CSF2RA: variants seen among roughly 807,000 people sequenced by gnomAD.
CSF2RA encodes colony stimulating factor 2 receptor subunit alpha.
In CSF2RA, 42 loss-of-function variants were observed where a neutral mutation model predicts 51.6. That is an observed-to-expected ratio of 0.81 (90% CI 0.64 to 1.05). The LOEUF (loss-of-function observed/expected upper bound fraction) is 1.05. Ranked by LOEUF, CSF2RA falls within the 50% of genes least tolerant of loss-of-function variation. The pLI, the probability that CSF2RA is intolerant of heterozygous loss-of-function variation, is 0.00. For synonymous variants in CSF2RA, 222 were observed against 193.0 expected (o/e 1.15, Z -1.24); for missense variants, 530 against 501.1 (o/e 1.06, Z -0.55).
intron 2 of CSF2RA, chrX:1,282,104 C>G (rs2148233048): frequency 6.8e-6 from 1 of 147,756 alleles, no homozygotes; most frequent in Non-Finnish European, 1.5e-5. Context: ...ACTTGGGAAG[C>G]TGAGGCAGGA....
intron 4 of CSF2RA, chrX:1,287,147 CTT>C (rs760358278): frequency 0.022 from 2,457 of 110,488 alleles, 16 homozygotes; most frequent in South Asian, 0.037. Flanking sequence ...AGATGACATA[CTT>C]TTTTTTTTTT....
the CSF2RA span, among the ~76,000 whole-genome samples, chrX:1,316,641 G>A: frequency 1.3e-5 from 2 of 152,212 alleles, no homozygotes; most frequent in African/African-American, 4.8e-5. Context: ...TTCAGCCCCT[G>A]CCCATCCACG....
chrX:1,301,346 A>AAAAAAG (rs2092358840), intron 10 of CSF2RA, among the ~76,000 whole-genome samples: 1 of 149,396 alleles, frequency 6.7e-6, no homozygotes, highest in African/African-American at 2.5e-5. Flanking sequence ...AAAAAAAAAA[A>AAAAAAG]AAAAAAAAGA....
downstream of CSF2RA, among the ~76,000 whole-genome samples, chrX:1,314,876 CACCTGCCCAACCACACTGA>C (rs1291975325): frequency 1.6e-4 from 11 of 69,336 alleles, no homozygotes; most frequent in South Asian, 9.2e-4. Flanking sequence ...AACCGCACTG[CACCTGCCCAACCACACTGA>C]ACCTGCTCAA....
At chrX:1,287,655 G>C (rs1245532192) in intron 4 of CSF2RA, among the ~76,000 whole-genome samples, 2 of 139,894 alleles carry the variant, frequency 1.4e-5, no homozygotes, top group African/African-American at 5.4e-5. Context: ...TGTTGGCCAG[G>C]CTGATCTTGA....
chrX:1,299,021 G>T (rs1210569239), intron 9 of CSF2RA, among the ~76,000 whole-genome samples: 6 of 152,178 alleles, frequency 3.9e-5, no homozygotes, highest in Admixed American at 6.5e-5. Flanking sequence ...TGGCCCAGGG[G>T]TGGACACGGT....
At chrX:1,318,126 C>G in the CSF2RA span, among the ~76,000 whole-genome samples, 8 of 148,746 alleles carry the variant, frequency 5.4e-5, no homozygotes, top group African/African-American at 1.2e-4. Context: ...GTAGCTGGGA[C>G]TACAGGCACC....
intron 2 of CSF2RA, among the ~76,000 whole-genome samples, chrX:1,277,976 C>A (rs867516017): frequency 7.0e-3 from 738 of 104,682 alleles, no homozygotes; most frequent in African/African-American, 8.1e-3. Context: ...GACTCAGTCT[C>A]AAAAAAAAAA....
intron 2 of CSF2RA, among the ~76,000 whole-genome samples, chrX:1,280,092 G>C (rs1324029089): frequency 6.6e-6 from 1 of 152,028 alleles, no homozygotes; most frequent in East Asian, 1.9e-4. Flanking sequence ...GCCCGGCCGA[G>C]AGACGCAATC....
the CSF2RA span, among the ~76,000 whole-genome samples, chrX:1,316,219 AGATAGATAGATGATAGAT>A: frequency 8.5e-6 from 1 of 118,238 alleles, no homozygotes; most frequent in Non-Finnish European, 1.9e-5. Context: ...ATACATAGGT[AGATAGATAGATGATAGAT>A]GACAGATGAT....
At chrX:1,307,710 C>G (rs1445527369) in intron 12 of CSF2RA, among the ~76,000 whole-genome samples, 17 of 145,748 alleles carry the variant, frequency 1.2e-4, no homozygotes, top group African/African-American at 4.2e-4. Flanking sequence ...CCACCCTCCC[C>G]TTTATACCTT....
chrX:1,315,282 T>C (rs1390392568), downstream of CSF2RA, among the ~76,000 whole-genome samples: 5 of 151,906 alleles, frequency 3.3e-5, no homozygotes, highest in Non-Finnish European at 7.4e-5. Context: ...AGATAGATGA[T>C]TGATAGATGA....
chrX:1,279,915 G>T (rs1489956141), intron 2 of CSF2RA, among the ~76,000 whole-genome samples: 5 of 151,908 alleles, frequency 3.3e-5, no homozygotes, highest in Non-Finnish European at 7.4e-5. Flanking sequence ...TCAACCTCCC[G>T]AGTAGCTGGG....
At chrX:1,289,642 GTT>G in intron 6 of CSF2RA, among the ~76,000 whole-genome samples, 1 of 146,182 alleles carries the variant, frequency 6.8e-6, no homozygotes, top group East Asian at 2.1e-4. Flanking sequence ...TTTGTTTTGT[GTT>G]TGTTTTTGTT....
chrX:1,289,131 C>T, intron 6 of CSF2RA: 1 of 557,860 alleles, frequency 1.8e-6, no homozygotes, highest in East Asian at 3.2e-5. Flanking sequence ...CAGGCCACAT[C>T]TATGTATTTA....
Position 1,283,766 on chromosome X carries a change from T to C in CSF2RA, c.76+987T>C, listed in dbSNP as rs762046497. On this transcript the variant is annotated intron_variant, in intron 3 of 12. Coordinates refer to ENST00000381529, the MANE Select transcript of CSF2RA (RefSeq NM_172245.4). ...TGTATTTTTAGTAGAGATGGGGTTT[T>C]GTCATGTTGGCCAGGCTGGTCTCAA... 6.1e-3 allele frequency among the ~76,000 whole-genome samples: 929 copies of C among 151,908 alleles called. 5 individuals are homozygous for C. Among genetic ancestry groups the C allele is most frequent in the African/African-American group, 0.021 (891 of 41,452 alleles).
chrX:1,307,800 C>T (rs1418681332), intron 12 of CSF2RA, among the ~76,000 whole-genome samples: 5 of 138,924 alleles, frequency 3.6e-5, no homozygotes, highest in African/African-American at 1.3e-4. Flanking sequence ...CCTTTTTAGA[C>T]CTTTGACTGA....
At chrX:1,305,821 C>G (rs1337227027) in intron 12 of CSF2RA, 2 of 1,539,208 alleles carry the variant, frequency 1.3e-6, no homozygotes, top group Non-Finnish European at 1.8e-6. Flanking sequence ...TGGCTCATGC[C>G]TGTCATCCCA....
At chrX:1,296,965 G>T (rs2092002028) in intron 9 of CSF2RA, among the ~76,000 whole-genome samples, 1 of 83,720 alleles carries the variant, frequency 1.2e-5, no homozygotes, top group South Asian at 4.3e-4. Flanking sequence ...TCCTACCCAT[G>T]ACCCCTGGCG....
Sources: allele counts gnomAD v4.1 joint callset (sites outside exome capture counted in the v4.1 genomes callset), GRCh38; gene constraint gnomAD v4.1.1; transcripts MANE v1.5; gene names NCBI Gene and HGNC (gene_info 2026-07-23, HGNC 2026-07-21).